The following NFATC2IP variants were observed in gnomAD, a reference collection of about 807,000 sequenced individuals.
NFATC2IP encodes the protein nuclear factor of activated T cells 2 interacting protein.
In NFATC2IP, 25 loss-of-function variants were observed where a neutral mutation model predicts 40.2. The observed-to-expected ratio is 0.62, with a 90% CI of 0.45 to 0.87. The LOEUF is 0.87. NFATC2IP is among the 40% of genes least tolerant of loss of function. The pLI is 0.00. For missense variants in NFATC2IP, 553 were observed against 555.6 expected (o/e 1.00, Z 0.05); for synonymous variants, 241 against 236.3 (o/e 1.02, Z -0.18).
intron 5 of NFATC2IP, chr16:28,956,757 A>G (rs1479154751): frequency 5.7e-6 from 1 of 175,164 alleles, no homozygotes; most frequent in Non-Finnish European, 1.2e-5. Context: ...CTTCCTCCCT[A>G]GGAACCTGGG....
chr16:28,959,607 G>A (rs1272887411), intron 7 of NFATC2IP, among the ~76,000 whole-genome samples: 1 of 127,138 alleles, frequency 7.9e-6, no homozygotes, highest in Non-Finnish European at 1.6e-5. Flanking sequence ...ATAGAGTCTC[G>A]CCCTGTCGCC....
chr16:28,951,244 C>T lies in NFATC2IP; in HGVS notation c.233C>T (p.Pro78Leu), dbSNP rs528656734. 2.0e-6 allele frequency: 3 copies of T among 1,498,118 alleles called. No homozygotes were observed. The highest frequency in any genetic ancestry group is 2.6e-5 in the East Asian group (1 of 38,352). 92.8% of individuals were successfully genotyped at this position (1,498,118 alleles called of 1,614,324 possible). The change falls in exon 1 of 8, where the codon CCC becomes CTC. Residue 78 changes from proline to leucine, a missense_variant. Physicochemically the swap from Pro to Leu is moderately conservative, Grantham distance 98. Transcript: ENST00000320805. Reference protein sequence around the residue: ...ADEVEVEPPEPPGPVASRDNS... With the variant: ...ADEVEVEPPELPGPVASRDNS... ...GAGGTTGAGGTGGAGCCCCCGGAGC[C>T]CCCGGGGCCGGTCGCGTCCCGGGAT...
At chr16:28,954,093 T>C (rs1964994137) in intron 2 of NFATC2IP, among the ~76,000 whole-genome samples, 1 of 152,092 alleles carries the variant, frequency 6.6e-6, no homozygotes, top group Non-Finnish European at 1.5e-5. Context: ...CTGACTTCCA[T>C]CCCTGGGAAG....
Position 28,958,929 on chromosome 16 carries a change from C to T in NFATC2IP, c.992-62C>T. 3 of 1,604,580 alleles carry T rather than the reference C, an allele frequency of 1.9e-6. 1 individual carries two copies. In the Admixed American group the frequency reaches 5.0e-5, roughly 27 times the overall value. ...GGGGAAGGGGATATGGGGAGAGGTT[C>T]AGCACGGGCCCTGCTTCCAAGCCCC... is the stretch of plus-strand genomic sequence containing the variant. On this transcript the variant is annotated intron_variant, in intron 6 of 7. Transcript: ENST00000320805.
chr16:28,959,882 C>A (rs1005296081), intron 7 of NFATC2IP, among the ~76,000 whole-genome samples: 19 of 152,130 alleles, frequency 1.2e-4, no homozygotes, highest in Admixed American at 7.2e-4. Flanking sequence ...GCATTCATTT[C>A]TTAAGTCTAC....
In NFATC2IP at chr16:28,963,923, T is replaced by C; in HGVS notation, c.*60T>C. The C allele has an allele frequency of 6.5e-7, 1 of 1,546,734 alleles. No individual in the cohort carries two copies. The highest frequency in any genetic ancestry group is 1.1e-5 in the South Asian group (1 of 88,440). Reference sequence around the variant, plus strand: ...TTGGGGAGAATGACTTTCCCTTTTTTGCCCCATAAGGGCTAGCATAAGCTG... The same window carrying C: ...TTGGGGAGAATGACTTTCCCTTTTTCGCCCCATAAGGGCTAGCATAAGCTG... On this transcript the variant is annotated 3_prime_UTR_variant, in exon 8 of 8. Transcript: ENST00000320805.
chr16:28,957,805 T>G (rs1965037915), intron 5 of NFATC2IP: 1 of 152,106 alleles, frequency 6.6e-6, no homozygotes, highest in Non-Finnish European at 1.5e-5. Flanking sequence ...ACGAGTTTGT[T>G]GTCACCTTTG....
At chr16:28,963,170 G>A (rs1965106043) in intron 7 of NFATC2IP, among the ~76,000 whole-genome samples, 1 of 152,168 alleles carries the variant, frequency 6.6e-6, no homozygotes, top group Non-Finnish European at 1.5e-5. Context: ...TCCCAATCCA[G>A]TACAACCTCA....
chr16:28,952,320 G>A (rs757515170), intron 2 of NFATC2IP, 116 bp downstream of exon 2: 5 of 1,498,098 alleles, frequency 3.3e-6, no homozygotes, highest in South Asian at 1.2e-5. Context: ...GAGCGTGGGA[G>A]AGGGGACTCC....
At chr16:28,956,382 T>A in intron 5 of NFATC2IP, 45 bp downstream of exon 5, 2 of 1,495,688 alleles carry the variant, frequency 1.3e-6, no homozygotes, top group Non-Finnish European at 1.8e-6. Flanking sequence ...GAGCTGCTTC[T>A]GGAGAGATGG....
chr16:28,960,273 G>A (rs1965071279), intron 7 of NFATC2IP, among the ~76,000 whole-genome samples: 1 of 152,106 alleles, frequency 6.6e-6, no homozygotes, highest in African/African-American at 2.4e-5. Context: ...CTAGGGGTTA[G>A]GACCACAAAG....
intron 1 of NFATC2IP, among the ~76,000 whole-genome samples, 180 bp downstream of exon 1, chr16:28,951,578 T>G (rs1964968175): frequency 6.6e-6 from 1 of 151,826 alleles, no homozygotes; most frequent in South Asian, 2.1e-4. Flanking sequence ...TTCTGCAGAC[T>G]GGGGTGGTGA....
At chr16:28,961,022 A>G (rs1479428303) in intron 7 of NFATC2IP, among the ~76,000 whole-genome samples, 2 of 151,966 alleles carry the variant, frequency 1.3e-5, no homozygotes, top group South Asian at 2.1e-4. Flanking sequence ...TTCCTAACAT[A>G]CACCTCAAAA....
At chr16:28,962,849 T>C (rs1456215050) in intron 7 of NFATC2IP, among the ~76,000 whole-genome samples, 2 of 152,184 alleles carry the variant, frequency 1.3e-5, no homozygotes, top group African/African-American at 4.8e-5. Flanking sequence ...TCATCACGTG[T>C]GTTCTCCCCT....
chr16:28,966,147 T>G lies in NFATC2IP; in HGVS notation c.*2284T>G, dbSNP rs1254582062. ...TTGATTGCTTATTTAATAGAGTTGT[T>G]AAGATATTTTACATCTTCTCCTGTT... On this transcript the variant is annotated 3_prime_UTR_variant, in exon 8 of 8. Coordinates refer to ENST00000320805, the MANE Select transcript of NFATC2IP (RefSeq NM_032815.4). 4 of 152,234 alleles carry G rather than the reference T, an allele frequency of 2.6e-5. No individual in the cohort carries two copies. The highest frequency in any genetic ancestry group is 5.9e-5 in the Non-Finnish European group (4 of 68,052). 9.4% of individuals were successfully genotyped at this position (152,234 alleles called of 1,614,324 possible). A position where few individuals can be genotyped will look rare whatever the true frequency, so the allele number is the denominator to read the frequency against.
intron 5 of NFATC2IP, chr16:28,958,495 C>G: frequency 4.3e-6 from 2 of 468,298 alleles, no homozygotes; most frequent in Non-Finnish European, 7.6e-6. Flanking sequence ...CCCACCACCC[C>G]TTTCTTTGTT....
chr16:28,960,747 A>G (rs1422150937), intron 7 of NFATC2IP, among the ~76,000 whole-genome samples: 2 of 152,052 alleles, frequency 1.3e-5, no homozygotes, highest in South Asian at 2.1e-4. Context: ...CTGGGAGATC[A>G]AGGTTGTAGT....
chr16:28,966,129 C>A lies in NFATC2IP; in HGVS notation c.*2266C>A, dbSNP rs939131591. On this transcript the variant is annotated 3_prime_UTR_variant, in exon 8 of 8. Transcript: ENST00000320805. ...TCTGCAGTTGGTTGCTTTTTGATTG[C>A]TTATTTAATAGAGTTGTTAAGATAT... 28 of 151,962 alleles carry A rather than the reference C, an allele frequency of 1.8e-4. No individual in the cohort carries two copies. Among genetic ancestry groups the A allele is most frequent in the African/African-American group, 6.8e-4 (28 of 41,382 alleles). 9.4% of individuals were successfully genotyped at this position (151,962 alleles called of 1,614,324 possible). A position where few individuals can be genotyped will look rare whatever the true frequency, so the allele number is the denominator to read the frequency against.
chr16:28,962,844 A>T (rs1305442003), intron 7 of NFATC2IP, among the ~76,000 whole-genome samples: 1 of 151,940 alleles, frequency 6.6e-6, no homozygotes, highest in African/African-American at 2.4e-5. Flanking sequence ...CTCTGTCATC[A>T]CGTGTGTTCT....
Sources: gnomAD v4.1 joint callset for allele counts (sites outside exome capture counted in the v4.1 genomes callset) on GRCh38, gnomAD v4.1.1 for gene constraint, MANE v1.5 for transcripts, NCBI Gene and HGNC (gene_info 2026-07-23, HGNC 2026-07-21) for gene names.